Variants in POLQ observed in about 807,000 individuals in gnomAD.
The protein encoded by POLQ is epididymis secretory sperm binding protein.
In POLQ, 233 loss-of-function variants were observed where a neutral mutation model predicts 259.2. The ratio of observed to expected loss-of-function variants is 0.90; its 90% CI spans 0.81 to 1.00. The LOEUF is 1.00. Ranked by LOEUF, POLQ falls within the 50% of genes least tolerant of loss-of-function variation. POLQ has a pLI of 0.00. For missense variants in POLQ, 2,871 were observed against 3,051.6 expected (o/e 0.94, Z 1.39); for synonymous variants, 1,025 against 1,048.8 (o/e 0.98, Z 0.44).
intron 24 of POLQ, among the ~76,000 whole-genome samples, chr3:121,463,183 C>T (rs763688261): frequency 3.9e-5 from 6 of 152,182 alleles, no homozygotes; most frequent in Non-Finnish European, 8.8e-5. Flanking sequence ...ATAAATGAAT[C>T]ATGGGGGTGG....
At chr3:121,454,306 A>G (rs1307758466) in intron 25 of POLQ, among the ~76,000 whole-genome samples, 1 of 152,258 alleles carries the variant, frequency 6.6e-6, no homozygotes, top group Non-Finnish European at 1.5e-5. Flanking sequence ...CATTGAGGCT[A>G]GGAAGAAACT....
rs756702989 is a variant in POLQ, at chr3:121,473,439, G to C, written c.6454C>G (p.Gln2152Glu). 1 of 1,613,410 alleles carries C rather than the reference G, an allele frequency of 6.2e-7. No individual in the cohort carries two copies. The highest frequency in any genetic ancestry group is 1.1e-5 in the South Asian group (1 of 91,042). Residue 2152 changes from glutamine to glutamate, a missense_variant, in exon 21 of 30, where the codon CAA (glutamine) becomes GAA (glutamate). Physicochemically the swap from Gln to Glu is conservative, Grantham distance 29. Coordinates refer to ENST00000264233, the MANE Select transcript of POLQ (RefSeq NM_199420.4). ...GAACCCAGAGTTTTCTTGCTGCCTT[G>C]GTTTTTCATCTCTCTATTTGGGGGC... Reference protein sequence around the residue: ...KLPPNREMKNQGSKKTLGSTR... With the variant: ...KLPPNREMKNEGSKKTLGSTR...
rs2048031847 is a variant in POLQ, at chr3:121,488,320, A to G, written c.4611T>C (p.Asn1537=). 1 of 1,612,798 alleles carries G rather than the reference A, an allele frequency of 6.2e-7. No homozygotes were observed. The highest frequency in any genetic ancestry group is 8.5e-7 in the Non-Finnish European group (1 of 1,179,520). The part of the protein sequence containing the change: ...CLQEDLIKKS[N]VNENQDTHQQ... ...GGTGGGTATCTTGATTCTCATTTAC[A>G]TTTGATTTTTTAATTAGGTCTTCTT... Residue 1537 remains asparagine (N), a synonymous_variant, in exon 16 of 30, where the codon AAT becomes AAC. Coordinates refer to ENST00000264233, the MANE Select transcript of POLQ (RefSeq NM_199420.4).
intron 9 of POLQ, among the ~76,000 whole-genome samples, chr3:121,519,564 T>C (rs539852449): frequency 6.6e-4 from 98 of 148,160 alleles, no homozygotes; most frequent in Admixed American, 1.0e-3. Context: ...TAGTCCCAGC[T>C]ACTTGGGAGG....
intron 5 of POLQ, among the ~76,000 whole-genome samples, chr3:121,534,744 TTTG>T (rs769744444): frequency 6.6e-6 from 1 of 152,214 alleles, no homozygotes; most frequent in East Asian, 1.9e-4. Flanking sequence ...CTTCACAAGT[TTTG>T]TTAAGAGATA....
chr3:121,523,196 CA>C lies in POLQ; in HGVS notation c.1109-1048del, dbSNP rs1409543784. Among the ~76,000 whole-genome samples the C allele has an allele frequency of 4.7e-5, 7 of 149,864 alleles. No individual in the cohort carries two copies. The East Asian group carries it at 9.7e-4, about 21-fold the overall frequency. ...ATGCCCAGCTAGCATTTTTTTTTTT[CA>C]CTTGTAGAGATAGGGTCTCCCTAGG... On this transcript the variant is annotated intron_variant, in intron 7 of 29. Transcript: ENST00000264233.
At chr3:121,543,078 G>A (rs952619985) in intron 2 of POLQ, among the ~76,000 whole-genome samples, 4 of 152,144 alleles carry the variant, frequency 2.6e-5, no homozygotes, top group Non-Finnish European at 5.9e-5. Context: ...CTAGAAGAAA[G>A]ATGATAATGA....
intron 6 of POLQ, among the ~76,000 whole-genome samples, chr3:121,532,143 T>C (rs904795899): frequency 2.6e-5 from 4 of 152,242 alleles, no homozygotes; most frequent in Admixed American, 2.6e-4. Context: ...TCTTACAATA[T>C]TCAAGATAGG....
rs1389858337 is a variant in POLQ, at chr3:121,490,384, T to C, written c.2547A>G (p.Glu849=). ...TGCGACGTTCTTCAACTGCTTCCTC[T>C]TCCTCATCCACTGCCTTCCGGGCAC... ...FKSARKAVDE[E]EEAVEERRNM... is the part of the protein sequence containing the mutation. The change falls in exon 16 of 30, where the codon GAA becomes GAG. Residue 849 remains glutamate (E), a synonymous_variant. Transcript: ENST00000264233. The C allele has an allele frequency of 3.7e-6, 6 of 1,614,168 alleles. No individual in the cohort carries two copies. Among genetic ancestry groups the C allele is most frequent in the Non-Finnish European group, 5.1e-6 (6 of 1,179,992 alleles).
chr3:121,521,001 A>C (rs2048332362), intron 8 of POLQ, among the ~76,000 whole-genome samples: 1 of 152,232 alleles, frequency 6.6e-6, no homozygotes, highest in Admixed American at 6.5e-5. Context: ...CTAGTTTTAA[A>C]ATTAAGTGAT....
At chr3:121,466,821 A>T (rs943889983) in intron 24 of POLQ, among the ~76,000 whole-genome samples, 4 of 152,210 alleles carry the variant, frequency 2.6e-5, no homozygotes, top group Non-Finnish European at 5.9e-5. Flanking sequence ...AGGACATGTC[A>T]TCATAGGTCT....
At chr3:121,507,939 G>C (rs1380854192) in intron 12 of POLQ, among the ~76,000 whole-genome samples, 3 of 151,452 alleles carry the variant, frequency 2.0e-5, no homozygotes. Flanking sequence ...CTATAACCTA[G>C]AACTCCTGGG....
At chr3:121,496,688 T>G in intron 14 of POLQ, 120 bp downstream of exon 14, 1 of 1,002,842 alleles carries the variant, frequency 1.0e-6, no homozygotes, top group South Asian at 1.6e-5. Context: ...ACAAGAACTG[T>G]ACAAAGTTTT....
At chr3:121,462,431 T>C (rs185218047) in intron 24 of POLQ, among the ~76,000 whole-genome samples, 10 of 152,180 alleles carry the variant, frequency 6.6e-5, no homozygotes, top group Admixed American at 5.2e-4. Context: ...GCTGTATCTG[T>C]CTCTGAACTA....
intron 25 of POLQ, among the ~76,000 whole-genome samples, chr3:121,457,615 C>A (rs1365910586): frequency 1.3e-5 from 2 of 152,120 alleles, no homozygotes; most frequent in African/African-American, 4.8e-5. Context: ...ATTTATGTAG[C>A]CAAAAGACAC....
At position 121,492,834 on chromosome 3, in the gene POLQ, G is replaced by A. The variant is rs866272893; in HGVS notation, c.2522+644C>T. Among the ~76,000 whole-genome samples the A allele has an allele frequency of 2.7e-4, 39 of 142,990 alleles. No homozygotes were observed. In the Middle Eastern group the frequency reaches 0.011, roughly 41 times the overall value. 93.8% of individuals were successfully genotyped at this position (142,990 alleles called of 152,430 possible). On this transcript the variant is annotated intron_variant, in intron 15 of 29. Transcript: ENST00000264233. ...TTTTTTTTTTTTCAGTTTTAGTAGC[G>A]ATGAGATCTTGCTATGTTGCTCAGG...
At chr3:121,485,639 A>T (rs1384025218) in intron 16 of POLQ, among the ~76,000 whole-genome samples, 1 of 152,240 alleles carries the variant, frequency 6.6e-6, no homozygotes, top group African/African-American at 2.4e-5. Context: ...TATAAAGGTC[A>T]AGAATCAATC....
At chr3:121,513,374 A>C (rs1351985485) in intron 9 of POLQ, among the ~76,000 whole-genome samples, 1 of 151,894 alleles carries the variant, frequency 6.6e-6, no homozygotes, top group Non-Finnish European at 1.5e-5. Flanking sequence ...GAGGCCGAGG[A>C]GGGCAGATCA....
chr3:121,453,129 A>C (rs1177071289), intron 25 of POLQ, among the ~76,000 whole-genome samples: 2 of 152,212 alleles, frequency 1.3e-5, no homozygotes, highest in Non-Finnish European at 2.9e-5. Context: ...CAGGCAACCA[A>C]GGTCTGGAGT....
Sources: allele counts gnomAD v4.1 joint callset (sites outside exome capture counted in the v4.1 genomes callset), GRCh38; gene constraint gnomAD v4.1.1; transcripts MANE v1.5; gene names NCBI Gene and HGNC (gene_info 2026-07-23, HGNC 2026-07-21).